The following DMD variants were observed in gnomAD, a reference collection of about 807,000 sequenced individuals.
The protein encoded by DMD is dystrophin, also known as mutant dystrophin.
DMD carries 63 observed loss-of-function variants against 330.1 expected under a neutral mutation model. The ratio of observed to expected loss-of-function variants is 0.19; its 90% CI spans 0.16 to 0.24. The LOEUF (loss-of-function observed/expected upper bound fraction) is 0.24, where lower values mean the gene tolerates loss of function less well. Ranked by LOEUF, DMD falls within the 10% of genes least tolerant of loss-of-function variation. The pLI is 1.00. For synonymous variants in DMD, 1,223 were observed against 959.8 expected, an observed-to-expected ratio of 1.27 and a Z score of -5.07; for missense variants, 3,344 against 2,684.1, an observed-to-expected ratio of 1.25 and a Z score of -5.43.
At position 31,454,792 on chromosome X, in the gene DMD, G is replaced by A. The variant is rs370839190; in HGVS notation, c.8938-10165C>T. Among the ~76,000 whole-genome samples, 11 of 109,441 alleles carry A rather than the reference G, an allele frequency of 1.0e-4. No homozygotes were observed. The East Asian group carries it at 2.3e-3, about 22-fold the overall frequency. ...TTTTCAGACAGGGCCTCTTTCTGTC[G>A]CCCAGGCTGGAGTGCAGCAGTGCGA... On this transcript the variant is annotated intron_variant, in intron 59 of 78. Transcript: ENST00000357033.
rs148148490 is a variant in DMD at position 32,048,982 on chromosome X, G to A, written c.6439-80468C>T. 2.6e-4 allele frequency among the ~76,000 whole-genome samples: 29 copies of A among 111,533 alleles called. No homozygotes were observed. The East Asian group carries it at 8.0e-3, about 31-fold the overall frequency. ...TGAAACTCTGAAAGGACAAACGAAT[G>A]GAGGGAAGAAACAGTAGACTGCGGG... On this transcript the variant is annotated intron_variant, in intron 44 of 78. Coordinates refer to ENST00000357033, the MANE Select transcript of DMD (RefSeq NM_004006.3).
At chrX:31,585,162 A>C (rs1470112720) in intron 55 of DMD, among the ~76,000 whole-genome samples, 1 of 107,960 alleles carries the variant, frequency 9.3e-6, no homozygotes, top group Non-Finnish European at 1.9e-5. Flanking sequence ...CTCTGCAAAA[A>C]AATACAAAAA....
intron 47 of DMD, among the ~76,000 whole-genome samples, chrX:31,905,473 A>G (rs762236036): frequency 9.9e-5 from 11 of 111,657 alleles, no homozygotes; most frequent in Non-Finnish European, 1.9e-4. Context: ...TTATTAAAAC[A>G]TATTAAAGAT....
chrX:32,078,310 A>G (rs1021028747), intron 44 of DMD, among the ~76,000 whole-genome samples: 13 of 111,900 alleles, frequency 1.2e-4, no homozygotes, highest in Admixed American at 5.7e-4. Flanking sequence ...ATCTGAAATC[A>G]GTCGCTTCAA....
At chrX:32,684,250 C>A (rs1275124996) in intron 9 of DMD, among the ~76,000 whole-genome samples, 1 of 111,195 alleles carries the variant, frequency 9.0e-6, no homozygotes, top group African/African-American at 3.3e-5. Flanking sequence ...CATATATATG[C>A]ACACGTAACA....
chrX:33,266,686 G>A (rs189249848), intron 1 of DMD, among the ~76,000 whole-genome samples: 37 of 111,401 alleles, frequency 3.3e-4, no homozygotes, highest in East Asian at 5.6e-4. Context: ...TTTTAATTGC[G>A]AAGAAACATC....
At chrX:33,194,439 G>C (rs1040195168) in intron 1 of DMD, among the ~76,000 whole-genome samples, 23 of 109,920 alleles carry the variant, frequency 2.1e-4, no homozygotes, top group African/African-American at 7.6e-4. Context: ...ATCTAATTTA[G>C]TTGAAGATAA....
intron 47 of DMD, among the ~76,000 whole-genome samples, 173 bp downstream of exon 47, chrX:31,929,423 C>A (rs1325443203): frequency 9.0e-6 from 1 of 111,482 alleles, no homozygotes; most frequent in African/African-American, 3.3e-5. Flanking sequence ...ATCATTTTTT[C>A]TAGCCACAAC....
intron 68 of DMD, among the ~76,000 whole-genome samples, chrX:31,180,783 C>G (rs2041077435): frequency 1.8e-5 from 2 of 111,778 alleles, no homozygotes; most frequent in Non-Finnish European, 1.9e-5. Context: ...TGGAAAATTT[C>G]CAGTCTTTTG....
chrX:32,394,916 C>CAAAACAAAAAAAAAAAAAAAAA (rs2098030291), intron 30 of DMD, among the ~76,000 whole-genome samples: 4 of 39,032 alleles, frequency 1.0e-4, no homozygotes, highest in Non-Finnish European at 2.0e-4. Context: ...AACAAAAAAA[C>CAAAACAAAAAAAAAAAAAAAAA]AAAAAAAAAA....
intron 1 of DMD, among the ~76,000 whole-genome samples, chrX:33,303,682 T>A (rs1019997990): frequency 9.0e-6 from 1 of 111,373 alleles, no homozygotes; most frequent in Non-Finnish European, 1.9e-5. Flanking sequence ...GATGGTTTTA[T>A]AAGGGACTTC....
At chrX:32,574,186 T>C (rs1188197115) in intron 13 of DMD, among the ~76,000 whole-genome samples, 1 of 111,756 alleles carries the variant, frequency 8.9e-6, no homozygotes, top group Non-Finnish European at 1.9e-5. Flanking sequence ...TGTATTTTCC[T>C]TAGGTTTGAA....
At chrX:33,151,292 A>G (rs1018559418) in intron 1 of DMD, among the ~76,000 whole-genome samples, 6 of 112,471 alleles carry the variant, frequency 5.3e-5, no homozygotes, top group African/African-American at 1.9e-4. Flanking sequence ...GTATAAGGCA[A>G]AAAGTATACA....
At position 31,875,611 on chromosome X, in the gene DMD, C is replaced by G. The variant is rs1400630709; in HGVS notation, c.6913-238G>C. 7.2e-5 allele frequency among the ~76,000 whole-genome samples: 8 copies of G among 111,694 alleles called. No homozygotes were observed. In the Admixed American group the frequency reaches 7.6e-4, roughly 11 times the overall value. On this transcript the variant is annotated intron_variant, in intron 47 of 78. Transcript: ENST00000357033. The stretch of plus-strand genomic sequence containing the variant: ...TTCTTTGCTTTAAAGAAACTAATAC[C>G]TTTTTGGAATTTCAAAACACACACC...
rs976733000 is a variant in DMD, at chrX:31,601,419, T to C, written c.8217+26254A>G. The stretch of plus-strand genomic sequence containing the variant: ...TAGACAAGGTCTCAATATTCCATTA[T>C]CCGCCAGTCTGTTCCAGATCGTGGG... On this transcript the variant is annotated intron_variant, in intron 55 of 78. Transcript: ENST00000357033. 1.1e-4 allele frequency among the ~76,000 whole-genome samples: 12 copies of C among 112,443 alleles called. 1 individual carries two copies. Among genetic ancestry groups the C allele is most frequent in the Non-Finnish European group, 2.3e-4 (12 of 53,301 alleles).
intron 7 of DMD, among the ~76,000 whole-genome samples, chrX:32,771,295 C>G (rs2073569627): frequency 9.0e-6 from 1 of 111,500 alleles, no homozygotes; most frequent in South Asian, 3.7e-4. Context: ...TAAGATGAGT[C>G]TATTCTCATT....
intron 56 of DMD, among the ~76,000 whole-genome samples, chrX:31,506,010 T>A (rs950196682): frequency 4.5e-5 from 5 of 111,595 alleles, no homozygotes; most frequent in Non-Finnish European, 9.4e-5. Flanking sequence ...TCTCTGTGCC[T>A]CACTTTCTTC....
intron 78 of DMD, among the ~76,000 whole-genome samples, chrX:31,122,262 A>G (rs970379853): frequency 2.7e-5 from 3 of 112,355 alleles, no homozygotes; most frequent in African/African-American, 9.7e-5. Flanking sequence ...CAAGATTTCT[A>G]TCAGAACAGG....
intron 47 of DMD, among the ~76,000 whole-genome samples, chrX:31,910,337 T>A (rs2149863765): frequency 8.9e-6 from 1 of 112,107 alleles, no homozygotes; most frequent in East Asian, 2.8e-4. Flanking sequence ...TAGACTGCTG[T>A]TTGGCACAGT....
Sources: gnomAD v4.1 joint callset for allele counts (sites outside exome capture counted in the v4.1 genomes callset) on GRCh38, gnomAD v4.1.1 for gene constraint, MANE v1.5 for transcripts, NCBI Gene and HGNC (gene_info 2026-07-23, HGNC 2026-07-21) for gene names.